Variants in LARGE1 observed in about 807,000 individuals in gnomAD.
LARGE1 encodes LARGE xylosyl- and glucuronyltransferase 1.
Under a neutral mutation model 87.6 loss-of-function variants are expected in LARGE1, and 43 were observed. The observed-to-expected ratio is 0.49, with a 90% CI of 0.38 to 0.63. LARGE1 has a LOEUF of 0.63. LARGE1 is among the 30% of genes least tolerant of loss of function. The probability of loss-of-function intolerance (pLI) is 0.00; values close to 1 mark genes in which losing one functional copy is unlikely to be tolerated. For missense variants in LARGE1, 802 were observed against 1,000.2 expected, an observed-to-expected ratio of 0.80 and a Z score of 2.67; for synonymous variants, 434 against 394.6, an observed-to-expected ratio of 1.10 and a Z score of -1.18.
chr22:33,440,654 C>T (rs1326475859), intron 6 of LARGE1, among the ~76,000 whole-genome samples: 1 of 152,158 alleles, frequency 6.6e-6, no homozygotes, highest in South Asian at 2.1e-4. Context: ...TATCATATTA[C>T]CGTTTACTAA....
At chr22:33,558,998 T>C (rs1234168041) in intron 6 of LARGE1, among the ~76,000 whole-genome samples, 1 of 152,230 alleles carries the variant, frequency 6.6e-6, no homozygotes, top group African/African-American at 2.4e-5. Context: ...TTATTCCTTC[T>C]CTGAGCCTAA....
At chr22:33,774,471 C>G (rs2085170914) in intron 1 of LARGE1, among the ~76,000 whole-genome samples, 1 of 152,132 alleles carries the variant, frequency 6.6e-6, no homozygotes, top group South Asian at 2.1e-4. Context: ...ATTCTCCTGA[C>G]TCAGCCTCCC....
chr22:33,918,946 T>G (rs1199873915), intron 1 of LARGE1, among the ~76,000 whole-genome samples: 2 of 148,408 alleles, frequency 1.3e-5, no homozygotes, highest in Non-Finnish European at 3.0e-5. Flanking sequence ...TCTGGGCACT[T>G]ACATAAGACC....
intron 1 of LARGE1, among the ~76,000 whole-genome samples, chr22:33,817,429 C>G (rs1388655484): frequency 2.0e-5 from 3 of 152,100 alleles, no homozygotes; most frequent in African/African-American, 7.2e-5. Context: ...AGACAGATCA[C>G]TCGTTTGTGT....
At chr22:33,497,455 C>T (rs2070194129) in intron 6 of LARGE1, among the ~76,000 whole-genome samples, 1 of 152,170 alleles carries the variant, frequency 6.6e-6, no homozygotes. Context: ...AATAACAATG[C>T]CTGCCTTCTG....
chr22:33,694,577 T>C (rs2082188348), intron 2 of LARGE1, among the ~76,000 whole-genome samples: 2 of 152,216 alleles, frequency 1.3e-5, no homozygotes, highest in Admixed American at 6.5e-5. Flanking sequence ...AGTAAAGTTC[T>C]AGTTTGAGGT....
chr22:33,271,498 A>C (rs550579135), downstream of LARGE1, among the ~76,000 whole-genome samples: 1 of 152,316 alleles, frequency 6.6e-6, no homozygotes, highest in African/African-American at 2.4e-5. Flanking sequence ...GTTCCCCTCC[A>C]CACTGACTGT....
intron 2 of LARGE1, among the ~76,000 whole-genome samples, chr22:33,738,886 A>G (rs2083765495): frequency 6.7e-6 from 1 of 149,086 alleles, no homozygotes; most frequent in African/African-American, 2.5e-5. Context: ...CCCAGTTTCC[A>G]TGGACTGGAA....
At chr22:33,761,649 G>C (rs1487870834) in intron 1 of LARGE1, 91 bp from the exon 2 acceptor site, 8 of 663,928 alleles carry the variant, frequency 1.2e-5, no homozygotes, top group Non-Finnish European at 1.9e-5. Flanking sequence ...GATCCTGAAA[G>C]GGGTTCAACT....
chr22:33,735,749 C>T (rs1408929368), intron 2 of LARGE1, among the ~76,000 whole-genome samples: 1 of 152,104 alleles, frequency 6.6e-6, no homozygotes, highest in South Asian at 2.1e-4. Context: ...TATCTAATTC[C>T]GTAGCATTTT....
chr22:33,457,118 A>G (rs1160000322), intron 6 of LARGE1, among the ~76,000 whole-genome samples: 1 of 151,982 alleles, frequency 6.6e-6, no homozygotes, highest in East Asian at 1.9e-4. Context: ...TTTTCTGAAC[A>G]TAATTTTTAT....
At chr22:33,897,441 C>T (rs753863311) in intron 1 of LARGE1, among the ~76,000 whole-genome samples, 4 of 152,082 alleles carry the variant, frequency 2.6e-5, no homozygotes, top group Non-Finnish European at 4.4e-5. Flanking sequence ...TAGCATAAAA[C>T]GAAAGCAGGA....
At chr22:33,145,415 C>T in the LARGE1 span, among the ~76,000 whole-genome samples, 66 of 152,162 alleles carry the variant, frequency 4.3e-4, no homozygotes, top group Non-Finnish European at 8.2e-4. Flanking sequence ...GCACCACCCT[C>T]GTGTATACCA....
At chr22:33,661,245 T>A (rs1211466543) in intron 2 of LARGE1, among the ~76,000 whole-genome samples, 2 of 150,426 alleles carry the variant, frequency 1.3e-5, no homozygotes, top group African/African-American at 2.5e-5. Flanking sequence ...AGCCAGGGTC[T>A]CGCTCTGTTG....
chr22:33,671,162 C>A (rs988194275), intron 2 of LARGE1, among the ~76,000 whole-genome samples: 21 of 152,180 alleles, frequency 1.4e-4, no homozygotes, highest in Non-Finnish European at 2.5e-4. Flanking sequence ...GAACTTTATC[C>A]TGAGGCCAGG....
intron 1 of LARGE1, among the ~76,000 whole-genome samples, chr22:33,893,490 C>T (rs1047847509): frequency 2.6e-5 from 4 of 152,164 alleles, no homozygotes; most frequent in Non-Finnish European, 4.4e-5. Context: ...TTCAGATAAA[C>T]GCACAGCATA....
intron 5 of LARGE1, among the ~76,000 whole-genome samples, chr22:33,591,891 T>C (rs566039468): frequency 6.8e-6 from 1 of 147,832 alleles, no homozygotes; most frequent in South Asian, 2.2e-4. Flanking sequence ...CCAGGCGTGA[T>C]AGCATGTGCC....
chr22:33,075,877 T>A, the LARGE1 span, among the ~76,000 whole-genome samples: 2 of 152,122 alleles, frequency 1.3e-5, no homozygotes, highest in Non-Finnish European at 2.9e-5. Flanking sequence ...CCACCTAAAA[T>A]GTGTCTTCCA....
the LARGE1 span, among the ~76,000 whole-genome samples, chr22:33,066,728 G>C: frequency 6.6e-6 from 1 of 152,164 alleles, no homozygotes; most frequent in African/African-American, 2.4e-5. Context: ...AGATTTCTAA[G>C]ATCCATTCGG....
Sources: allele counts gnomAD v4.1 joint callset (sites outside exome capture counted in the v4.1 genomes callset), GRCh38; gene constraint gnomAD v4.1.1; transcripts MANE v1.5; gene names NCBI Gene and HGNC (gene_info 2026-07-23, HGNC 2026-07-21).